Variants in LMCD1 observed in about 807,000 individuals in gnomAD.
LMCD1 encodes the protein LIM and cysteine rich domains 1.
In LMCD1, 32 loss-of-function variants were observed where a neutral mutation model predicts 42.7. The ratio of observed to expected loss-of-function variants is 0.75; its 90% CI spans 0.57 to 1.01. LMCD1 has a LOEUF of 1.01. Ranked by LOEUF, LMCD1 falls within the 50% of genes least tolerant of loss-of-function variation. The pLI is 0.00. For synonymous variants in LMCD1, 178 were observed against 184.9 expected, an observed-to-expected ratio of 0.96 and a Z score of 0.30; for missense variants, 458 against 483.1, an observed-to-expected ratio of 0.95 and a Z score of 0.49.
At position 8,565,470 on chromosome 3, in the gene LMCD1, C is replaced by A; in HGVS notation, c.762C>A (p.Ser254Arg). The A allele has an allele frequency of 6.2e-7, 1 of 1,614,214 alleles. No homozygotes were observed. The highest frequency in any genetic ancestry group is 8.5e-7 in the Non-Finnish European group (1 of 1,180,042). Residue 254 changes from serine to arginine, a missense_variant, in exon 5 of 6, where the codon AGC (serine) becomes AGA (arginine). Coordinates refer to ENST00000157600, the MANE Select transcript of LMCD1 (RefSeq NM_014583.4). ...GCAAGGGAGCGGCCCCTCCTGACAG[C>A]CCCGTGGTCTACTCGGACAGGGCAG... ...ELCKGAAPPD[S>R]PVVYSDRAGY... is the part of the protein sequence containing the mutation.
rs76132644 is a variant in LMCD1 at position 8,531,150 on chromosome 3, A to G, written c.43-1587A>G. Among the ~76,000 whole-genome samples the G allele has an allele frequency of 7.7e-3, 1,175 of 152,332 alleles. 15 individuals are homozygous for G. Among genetic ancestry groups the G allele is most frequent in the African/African-American group, 0.027 (1,142 of 41,580 alleles). On this transcript the variant is annotated intron_variant, in intron 1 of 5. Transcript: ENST00000157600. ...CCACTGGCAATGAGGATGGCTTCAC[A>G]AGTTTCACTGCTTGTATTTTCCCTC...
rs143426975 is a variant in LMCD1 at position 8,572,493 on chromosome 3, C to T, written c.*4895C>T. 1.9e-4 allele frequency: 29 copies of T among 152,276 alleles called. No individual in the cohort carries two copies. Among genetic ancestry groups the T allele is most frequent in the African/African-American group, 7.0e-4 (29 of 41,566 alleles). The allele number at this position is 152,276 out of a possible 1,614,324, so 9.4% of individuals were successfully genotyped here. A position where few individuals can be genotyped will look rare whatever the true frequency, so the allele number is the denominator to read the frequency against. On this transcript the variant is annotated 3_prime_UTR_variant, in exon 6 of 6. Coordinates refer to ENST00000157600, the MANE Select transcript of LMCD1 (RefSeq NM_014583.4). The stretch of plus-strand genomic sequence containing the variant: ...CTCACTCATTCTTAGTATTCATTGA[C>T]GTTTACTGATCGAACTAATTATTAT...
intron 4 of LMCD1, among the ~76,000 whole-genome samples, chr3:8,564,540 A>G (rs1695094616): frequency 6.6e-6 from 1 of 152,206 alleles, no homozygotes; most frequent in Admixed American, 6.5e-5. Flanking sequence ...CCAACGTGCT[A>G]GAATTAAAGG....
At chr3:8,561,337 G>GT (rs577325918) in intron 4 of LMCD1, among the ~76,000 whole-genome samples, 1 of 151,364 alleles carries the variant, frequency 6.6e-6, no homozygotes, top group East Asian at 1.9e-4. Flanking sequence ...CTTTCCATGG[G>GT]TTTTTTAAAT....
intron 3 of LMCD1, among the ~76,000 whole-genome samples, chr3:8,539,938 A>C (rs746287790): frequency 1.3e-5 from 2 of 151,624 alleles, no homozygotes; most frequent in Middle Eastern, 3.2e-3. Context: ...CTCATCATTT[A>C]CATTAGGTAT....
chr3:8,548,920 C>A lies in LMCD1; in HGVS notation c.723+17C>A. On this transcript the variant is annotated intron_variant, in intron 4 of 5. Coordinates refer to ENST00000157600, the MANE Select transcript of LMCD1 (RefSeq NM_014583.4). ...GTGGAATACGTAAGTTTCTCCCATG[C>A]TTCCAGCCAGGCTGAAACCATGCAG... 1.3e-6 allele frequency: 2 copies of A among 1,485,282 alleles called. No homozygotes were observed. The highest frequency in any genetic ancestry group is 4.8e-5 in the Admixed American group (2 of 42,048). The allele number at this position is 1,485,282 out of a possible 1,614,324, so 92.0% of individuals were successfully genotyped here. A position where few individuals can be genotyped will look rare whatever the true frequency, so the allele number is the denominator to read the frequency against.
chr3:8,520,174 T>C (rs1694177051), intron 1 of LMCD1, among the ~76,000 whole-genome samples: 1 of 152,160 alleles, frequency 6.6e-6, no homozygotes, highest in South Asian at 2.1e-4. Flanking sequence ...AAGTGTGTTA[T>C]CCTTGGAAAG....
chr3:8,537,374 T>C lies in LMCD1; in HGVS notation c.321T>C (p.Thr107=). 1 of 1,612,232 alleles carries C rather than the reference T, an allele frequency of 6.2e-7. No individual in the cohort carries two copies. Among genetic ancestry groups the C allele is most frequent in the African/African-American group, 1.3e-5 (1 of 75,010 alleles). The change falls in exon 3 of 6, where the codon ACT becomes ACC. Residue 107 remains threonine (T), a synonymous_variant. Transcript: ENST00000157600. ...NRMIMTNPIA[T]GKDPTFDTIT... ...TGATCATGACCAACCCTATTGCTAC[T>C]GGGAAAGATCCCACTTTTGACACCA...
intron 1 of LMCD1, among the ~76,000 whole-genome samples, chr3:8,513,128 TCTC>T (rs908656835): frequency 3.9e-5 from 6 of 152,306 alleles, no homozygotes; most frequent in African/African-American, 1.4e-4. Context: ...GTATGTAACT[TCTC>T]CTTATTGGTT....
chr3:8,548,841 G>A lies in LMCD1; in HGVS notation c.661G>A (p.Ala221Thr), dbSNP rs1407456368. The change falls in exon 4 of 6, where the codon GCA becomes ACA. Residue 221 changes from alanine to threonine, a missense_variant. Ala to Thr is a moderately conservative substitution (Grantham distance 58). Transcript: ENST00000157600. ...GAAGCAGCAGGAAAAGCCAGAGGGG[G>A]CAGAGACCACTGCTGCTACCACCAA... ...EGKQQEKPEG[A>T]ETTAATTNGS... 8.8e-6 allele frequency: 14 copies of A among 1,591,038 alleles called. No homozygotes were observed. The highest frequency in any genetic ancestry group is 1.7e-4 in the Middle Eastern group (1 of 5,996).
intron 1 of LMCD1, among the ~76,000 whole-genome samples, chr3:8,522,091 A>G (rs1694217783): frequency 6.6e-6 from 1 of 152,104 alleles, no homozygotes. Context: ...GCTAGCAGAG[A>G]TGGGTTGGGG....
intron 1 of LMCD1, among the ~76,000 whole-genome samples, chr3:8,531,811 C>T (rs1694417475): frequency 6.6e-6 from 1 of 152,154 alleles, no homozygotes; most frequent in Non-Finnish European, 1.5e-5. Context: ...GGATAAGAAG[C>T]TTATCCCTTT....
At chr3:8,536,140 G>A (rs1253521609) in intron 2 of LMCD1, among the ~76,000 whole-genome samples, 3 of 152,166 alleles carry the variant, frequency 2.0e-5, no homozygotes, top group Non-Finnish European at 2.9e-5. Context: ...CAGCCTTGCC[G>A]ATCATTCAGC....
At chr3:8,511,181 C>T (rs1693993102) in intron 1 of LMCD1, among the ~76,000 whole-genome samples, 1 of 152,204 alleles carries the variant, frequency 6.6e-6, no homozygotes, top group South Asian at 2.1e-4. Context: ...CAGTACTTGA[C>T]ATATAAGGAA....
At chr3:8,537,081 T>A in intron 2 of LMCD1, 104 bp from the exon 3 acceptor site, 1 of 1,350,654 alleles carries the variant, frequency 7.4e-7, no homozygotes, top group African/African-American at 1.5e-5. Context: ...TTTTTCCAAC[T>A]TAAAGTTTTA....
chr3:8,537,507 TTC>T, intron 3 of LMCD1, 67 bp downstream of exon 3: 4 of 1,478,818 alleles, frequency 2.7e-6, no homozygotes, highest in Non-Finnish European at 3.6e-6. Flanking sequence ...TGTCAAGTGT[TTC>T]TGAATTTCAA....
chr3:8,551,042 C>G lies in LMCD1; in HGVS notation c.723+2139C>G. ...AATACTAGACAGTAAATGGAAAAGG[C>G]CAAAGTCAGAAAATAAGTAGGGATT... On this transcript the variant is annotated intron_variant, in intron 4 of 5. Coordinates refer to ENST00000157600, the MANE Select transcript of LMCD1 (RefSeq NM_014583.4). The G allele has an allele frequency of 4.1e-6, 4 of 985,358 alleles. 1 individual carries two copies. 61.0% of individuals were successfully genotyped at this position (985,358 alleles called of 1,614,324 possible). A position where few individuals can be genotyped will look rare whatever the true frequency, so the allele number is the denominator to read the frequency against.
At chr3:8,507,487 C>A (rs1693908117) in intron 1 of LMCD1, among the ~76,000 whole-genome samples, 1 of 152,114 alleles carries the variant, frequency 6.6e-6, no homozygotes, top group Non-Finnish European at 1.5e-5. Context: ...ACATTTTTTT[C>A]TCAGAAAAGA....
intron 4 of LMCD1, 147 bp from the exon 5 acceptor site, chr3:8,565,285 T>A (rs1014500445): frequency 1.9e-5 from 13 of 683,872 alleles, no homozygotes; most frequent in African/African-American, 7.1e-5. Flanking sequence ...TGTGTCGCTT[T>A]GCAGATGACA....
Sources: gnomAD v4.1 joint callset for allele counts (sites outside exome capture counted in the v4.1 genomes callset) on GRCh38, gnomAD v4.1.1 for gene constraint, MANE v1.5 for transcripts, NCBI Gene and HGNC (gene_info 2026-07-23, HGNC 2026-07-21) for gene names.